Variants in DDR2 observed in about 807,000 individuals in gnomAD.
DDR2 encodes the protein discoidin domain-containing receptor 2.
In DDR2, 27 loss-of-function variants were observed where a neutral mutation model predicts 94.9. That is an observed-to-expected ratio of 0.28 (90% CI 0.21 to 0.39). DDR2 has a LOEUF of 0.39. DDR2 is among the 10% of genes least tolerant of loss of function. DDR2 has a pLI of 1.00. For synonymous variants in DDR2, 382 were observed against 377.2 expected, an observed-to-expected ratio of 1.01 and a Z score of -0.15; for missense variants, 783 against 1,076.0, an observed-to-expected ratio of 0.73 and a Z score of 3.81.
chr1:162,722,360 G>A (rs925040226), intron 3 of DDR2, among the ~76,000 whole-genome samples: 2 of 152,232 alleles, frequency 1.3e-5, no homozygotes, highest in South Asian at 4.1e-4. Flanking sequence ...ATGCTGACAT[G>A]AAGGTGTATA....
chr1:162,741,628 T>C, intron 3 of DDR2: 9 of 985,364 alleles, frequency 9.1e-6, no homozygotes, highest in Non-Finnish European at 9.6e-6. Flanking sequence ...AGTCAAAAGA[T>C]CCAGGAATGC....
At chr1:162,694,975 A>G (rs1660121147) in intron 2 of DDR2, among the ~76,000 whole-genome samples, 2 of 152,244 alleles carry the variant, frequency 1.3e-5, no homozygotes, top group Non-Finnish European at 2.9e-5. Context: ...TTTTGAATGT[A>G]TCCGTGAAAA....
rs2298258 is a variant in DDR2 at position 162,767,326 on chromosome 1, C to G, written c.1260C>G (p.Leu420=). 0.19 allele frequency: 298,958 copies of G among 1,613,736 alleles called. 35,769 individuals are homozygous for G. The highest frequency in any genetic ancestry group is 0.48 in the African/African-American group (36,013 of 74,878). The change falls in exon 11 of 18, where the codon CTC becomes CTG. Residue 420 remains leucine, a synonymous_variant. Coordinates refer to ENST00000367921, the MANE Select transcript of DDR2 (RefSeq NM_006182.4). ...TCCTGGCCATCATTGTCATCATCCT[C>G]TGGAGGCAGTTCTGGCAGAAAATGC... The part of the protein sequence containing the change: ...FILLAIIVII[L]WRQFWQKMLE...
chr1:162,632,800 G>T (rs1656620873), intron 1 of DDR2, among the ~76,000 whole-genome samples, 169 bp downstream of exon 1: 1 of 152,186 alleles, frequency 6.6e-6, no homozygotes, highest in Non-Finnish European at 1.5e-5. Flanking sequence ...CGAGAAATCA[G>T]ATCCCATGTT....
chr1:162,765,877 T>C, intron 9 of DDR2, 124 bp from the exon 10 acceptor site: 1 of 857,408 alleles, frequency 1.2e-6, no homozygotes, highest in Non-Finnish European at 2.0e-6. Context: ...ATTTTATCTT[T>C]TTAAAAGACT....
intron 3 of DDR2, among the ~76,000 whole-genome samples, chr1:162,749,041 C>T (rs1313004873): frequency 6.6e-6 from 1 of 152,180 alleles, no homozygotes; most frequent in Non-Finnish European, 1.5e-5. Context: ...TAAATGCCCA[C>T]AAGAGAAAGC....
intron 2 of DDR2, among the ~76,000 whole-genome samples, chr1:162,701,208 G>C (rs1490387774): frequency 6.6e-6 from 1 of 152,234 alleles, no homozygotes; most frequent in Non-Finnish European, 1.5e-5. Context: ...AACTCCCTTG[G>C]AAAAGTGATT....
At chr1:162,737,470 C>T (rs1005896223) in intron 3 of DDR2, among the ~76,000 whole-genome samples, 1 of 135,714 alleles carries the variant, frequency 7.4e-6, no homozygotes, top group African/African-American at 2.7e-5. Flanking sequence ...CATCCATGTC[C>T]CTACAAAGGA....
intron 2 of DDR2, among the ~76,000 whole-genome samples, chr1:162,658,177 G>C (rs556653788): frequency 2.1e-4 from 32 of 152,240 alleles, no homozygotes; most frequent in Non-Finnish European, 3.8e-4. Context: ...TGTGTTTCTC[G>C]CAAGTCTCTG....
intron 2 of DDR2, among the ~76,000 whole-genome samples, chr1:162,688,937 T>G (rs997110675): frequency 6.6e-5 from 10 of 152,308 alleles, no homozygotes; most frequent in African/African-American, 2.4e-4. Flanking sequence ...GTGCTCTGTT[T>G]TCACTGATGA....
chr1:162,784,111 C>T lies in DDR2; in HGVS notation c.*3865C>T, dbSNP rs1029126470. The T allele has an allele frequency of 2.6e-5, 4 of 152,094 alleles. No homozygotes were observed. The highest frequency in any genetic ancestry group is 4.4e-5 in the Non-Finnish European group (3 of 68,028). The allele number at this position is 152,094 out of a possible 1,614,324, so 9.4% of individuals were successfully genotyped here. A position where few individuals can be genotyped will look rare whatever the true frequency, so the allele number is the denominator to read the frequency against. ...TGATATCTGCACAAACAGATATGCA[C>T]CATGTTGGAAACATGTGTTTTCCTA... On this transcript the variant is annotated 3_prime_UTR_variant, in exon 18 of 18. Coordinates refer to ENST00000367921, the MANE Select transcript of DDR2 (RefSeq NM_006182.4).
At chr1:162,752,543 G>T (rs1331411364) in intron 3 of DDR2, among the ~76,000 whole-genome samples, 2 of 152,232 alleles carry the variant, frequency 1.3e-5, no homozygotes, top group Non-Finnish European at 2.9e-5. Flanking sequence ...GAAAGTGGAA[G>T]TCTGTATCCA....
intron 2 of DDR2, among the ~76,000 whole-genome samples, chr1:162,683,806 C>T (rs528720069): frequency 2.0e-5 from 3 of 152,146 alleles, no homozygotes; most frequent in South Asian, 2.1e-4. Context: ...TGGCAATTCT[C>T]CCCAAATCAA....
intron 1 of DDR2, among the ~76,000 whole-genome samples, chr1:162,650,312 C>T (rs1253777000): frequency 6.6e-6 from 1 of 151,796 alleles, no homozygotes; most frequent in Non-Finnish European, 1.5e-5. Flanking sequence ...ATAATAATAA[C>T]AGGCCAGGTG....
At chr1:162,725,276 A>G (rs1661604390) in intron 3 of DDR2, among the ~76,000 whole-genome samples, 1 of 152,208 alleles carries the variant, frequency 6.6e-6, no homozygotes, top group Non-Finnish European at 1.5e-5. Context: ...CAGAACCGGC[A>G]TTCGACTCTG....
At chr1:162,680,929 TA>T (rs1659368281) in intron 2 of DDR2, among the ~76,000 whole-genome samples, 1 of 152,208 alleles carries the variant, frequency 6.6e-6, no homozygotes, top group Non-Finnish European at 1.5e-5. Flanking sequence ...TATCTTTGGG[TA>T]AGTCAGTCTG....
At chr1:162,640,353 T>C (rs1191151601) in intron 1 of DDR2, among the ~76,000 whole-genome samples, 2 of 152,156 alleles carry the variant, frequency 1.3e-5, no homozygotes, top group African/African-American at 4.8e-5. Context: ...AATGATGTGT[T>C]GATATCACAG....
chr1:162,767,151 T>C (rs760988275), intron 10 of DDR2, 78 bp from the exon 11 acceptor site: 1 of 1,602,660 alleles, frequency 6.2e-7, no homozygotes, highest in Non-Finnish European at 8.5e-7. Context: ...TCTACCTCCA[T>C]GTTTCCAGTT....
chr1:162,780,073 C>T (rs1647811844), intron 17 of DDR2, 39 bp from the exon 18 acceptor site: 7 of 1,613,096 alleles, frequency 4.3e-6, no homozygotes, highest in Non-Finnish European at 5.9e-6. Flanking sequence ...TATTCTCTCT[C>T]TCTCTCTCTT....
Sources: gnomAD v4.1 joint callset for allele counts (sites outside exome capture counted in the v4.1 genomes callset) on GRCh38, gnomAD v4.1.1 for gene constraint, MANE v1.5 for transcripts, NCBI Gene and HGNC (gene_info 2026-07-23, HGNC 2026-07-21) for gene names.